Variants in PDE4D observed in about 807,000 individuals in gnomAD.
PDE4D encodes the protein 3',5'-cyclic-AMP phosphodiesterase 4D.
In PDE4D, 24 loss-of-function variants were observed where a neutral mutation model predicts 87.4. The ratio of observed to expected loss-of-function variants is 0.27; its 90% CI spans 0.20 to 0.39. PDE4D has a LOEUF of 0.39. Ranked by LOEUF, PDE4D falls within the 10% of genes least tolerant of loss-of-function variation. The pLI, the probability that PDE4D is intolerant of heterozygous loss-of-function variation, is 1.00. For synonymous variants in PDE4D, 384 were observed against 383.2 expected (o/e 1.00, Z -0.02); for missense variants, 714 against 1,041.0 (o/e 0.69, Z 4.32).
intron 1 of PDE4D, among the ~76,000 whole-genome samples, chr5:60,293,042 T>C (rs1753039218): frequency 6.6e-6 from 1 of 151,720 alleles, no homozygotes; most frequent in African/African-American, 2.4e-5. Context: ...GTTTCACTCT[T>C]TCACCCACGC....
At chr5:59,058,544 A>G (rs1385792133) in intron 5 of PDE4D, among the ~76,000 whole-genome samples, 1 of 152,172 alleles carries the variant, frequency 6.6e-6, no homozygotes, top group African/African-American at 2.4e-5. Flanking sequence ...ATTGCCTTTC[A>G]TTCTAAAAAG....
At chr5:60,429,317 T>C (rs1052510785) in intron 1 of PDE4D, among the ~76,000 whole-genome samples, 15 of 152,210 alleles carry the variant, frequency 9.9e-5, no homozygotes, top group Non-Finnish European at 2.1e-4. Flanking sequence ...ACATTATCGG[T>C]GTAGAGAAAT....
chr5:58,969,259 T>C lies in PDE4D; in HGVS notation c.*5405A>G, dbSNP rs1453954859. The C allele has an allele frequency of 6.6e-6, 1 of 152,148 alleles. No homozygotes were observed. Among genetic ancestry groups the C allele is most frequent in the East Asian group, 1.9e-4 (1 of 5,192 alleles). 9.4% of individuals were successfully genotyped at this position (152,148 alleles called of 1,614,324 possible). Reference sequence around the variant, plus strand: ...CAGATAACAAAAACAAACACGTATATAAATCTGTGAGAAGTGTTATAAAGA... The same window carrying C: ...CAGATAACAAAAACAAACACGTATACAAATCTGTGAGAAGTGTTATAAAGA... On this transcript the variant is annotated 3_prime_UTR_variant, in exon 15 of 15. Transcript: ENST00000340635.
At chr5:59,395,872 C>A (rs1286503682) in intron 1 of PDE4D, among the ~76,000 whole-genome samples, 1 of 118,646 alleles carries the variant, frequency 8.4e-6, no homozygotes, top group Non-Finnish European at 1.8e-5. Context: ...ATAACCAATA[C>A]AGAGAAGTGC....
intron 1 of PDE4D, among the ~76,000 whole-genome samples, chr5:59,780,019 C>T (rs1013737236): frequency 6.6e-6 from 1 of 152,190 alleles, no homozygotes; most frequent in South Asian, 2.1e-4. Flanking sequence ...GTTGTCAATG[C>T]CTTTTTTCCC....
At chr5:60,447,996 C>T (rs768435696) in intron 1 of PDE4D, among the ~76,000 whole-genome samples, 1 of 152,070 alleles carries the variant, frequency 6.6e-6, no homozygotes, top group Non-Finnish European at 1.5e-5. Flanking sequence ...CATGATTTTG[C>T]TTATTATCAT....
At chr5:60,503,153 C>T (rs1561319752) in intron 1 of PDE4D, among the ~76,000 whole-genome samples, 1 of 151,994 alleles carries the variant, frequency 6.6e-6, no homozygotes, top group Non-Finnish European at 1.5e-5. Flanking sequence ...TCAATATTAA[C>T]CATCACGAAT....
Position 58,975,066 on chromosome 5 carries a change from G to A in PDE4D, c.2028C>T (p.Asp676=), listed in dbSNP as rs1743364039. The A allele has an allele frequency of 1.3e-6, 2 of 1,519,538 alleles. No homozygotes were observed. Among genetic ancestry groups the A allele is most frequent in the Non-Finnish European group, 1.8e-6 (2 of 1,128,180 alleles). The allele number at this position is 1,519,538 out of a possible 1,614,324, so 94.1% of individuals were successfully genotyped here. A position where few individuals can be genotyped will look rare whatever the true frequency, so the allele number is the denominator to read the frequency against. ...TCTCCCAGAGGGGATGAACAATATA[G>A]TCTATGAAGCCCACCTAGTTAAGAA... The part of the protein sequence containing the change: ...SVEKSQVGFI[D]YIVHPLWETW... The change falls in exon 15 of 15, where the codon GAC becomes GAT. Residue 676 remains aspartate (D), a synonymous_variant. Transcript: ENST00000340635. The surrounding 1 kb of genome is among the most constrained non-coding windows in gnomAD (Gnocchi z 4.2).
intron 1 of PDE4D, among the ~76,000 whole-genome samples, chr5:60,388,944 C>G (rs967600936): frequency 6.6e-6 from 1 of 152,132 alleles, no homozygotes; most frequent in Admixed American, 6.6e-5. Context: ...CAAGTTATGG[C>G]TTTTCTAAGC....
intron 1 of PDE4D, among the ~76,000 whole-genome samples, chr5:59,832,270 G>A (rs1011523548): frequency 3.3e-5 from 5 of 152,062 alleles, no homozygotes; most frequent in African/African-American, 4.8e-5. Flanking sequence ...GATTACTTTC[G>A]TTTGATTCTG....
intron 2 of PDE4D, among the ~76,000 whole-genome samples, chr5:60,074,818 A>G (rs1773106766): frequency 6.6e-6 from 1 of 152,032 alleles, no homozygotes; most frequent in Non-Finnish European, 1.5e-5. Flanking sequence ...TGAAATTAGG[A>G]TTGCAACCCC....
At chr5:60,173,511 T>A (rs144840220) in intron 2 of PDE4D, among the ~76,000 whole-genome samples, 1 of 152,148 alleles carries the variant, frequency 6.6e-6, no homozygotes, top group Admixed American at 6.6e-5. Context: ...TTTGCTATAA[T>A]TATTCCTCAC....
chr5:59,905,273 C>T (rs1224229820), intron 3 of PDE4D, among the ~76,000 whole-genome samples: 3 of 152,044 alleles, frequency 2.0e-5, no homozygotes, highest in African/African-American at 7.2e-5. Flanking sequence ...GTTCAGAATG[C>T]TTTGTGGAGC....
At chr5:59,243,942 T>C (rs1442062013) in intron 1 of PDE4D, among the ~76,000 whole-genome samples, 1 of 151,958 alleles carries the variant, frequency 6.6e-6, no homozygotes, top group Non-Finnish European at 1.5e-5. Context: ...AGTGAACCAC[T>C]ACAATAAAGA....
chr5:59,351,910 T>C (rs1440617651), intron 1 of PDE4D, among the ~76,000 whole-genome samples: 3 of 152,108 alleles, frequency 2.0e-5, no homozygotes, highest in African/African-American at 4.8e-5. Context: ...TACCTCTCAT[T>C]ATGGAATTTT....
intron 1 of PDE4D, among the ~76,000 whole-genome samples, chr5:60,228,017 C>T (rs1019540986): frequency 9.2e-5 from 14 of 151,980 alleles, no homozygotes; most frequent in African/African-American, 3.1e-4. Context: ...CTCAAGGTCG[C>T]CTGCTGGAAT....
At chr5:59,261,865 T>C (rs918590428) in intron 1 of PDE4D, among the ~76,000 whole-genome samples, 1 of 151,846 alleles carries the variant, frequency 6.6e-6, no homozygotes, top group Non-Finnish European at 1.5e-5. Flanking sequence ...ATATCTCTTA[T>C]TAAAATGGCA....
intron 1 of PDE4D, among the ~76,000 whole-genome samples, chr5:59,286,232 A>G (rs916597027): frequency 2.6e-5 from 4 of 152,160 alleles, no homozygotes; most frequent in African/African-American, 9.7e-5. Context: ...ATTGCTCACC[A>G]TGTGCCAGGC....
At chr5:59,424,008 T>C (rs530455324) in intron 1 of PDE4D, among the ~76,000 whole-genome samples, 2 of 152,042 alleles carry the variant, frequency 1.3e-5, no homozygotes, top group Non-Finnish European at 2.9e-5. Flanking sequence ...GCAGTGGAGA[T>C]GGCATCAAAG....
Sources: allele counts gnomAD v4.1 joint callset (sites outside exome capture counted in the v4.1 genomes callset), GRCh38; gene constraint gnomAD v4.1.1; non-coding constraint Gnocchi (gnomAD v3.1); transcripts MANE v1.5; gene names NCBI Gene and HGNC (gene_info 2026-07-23, HGNC 2026-07-21).